HADHB: variants seen among roughly 807,000 people sequenced by gnomAD.
HADHB encodes hydroxyacyl-CoA dehydrogenase trifunctional multienzyme complex subunit beta, also known as trifunctional enzyme subunit beta, mitochondrial.
In HADHB, 50 loss-of-function variants were observed where a neutral mutation model predicts 61.9. The ratio of observed to expected loss-of-function variants is 0.81; its 90% CI spans 0.64 to 1.02. The LOEUF is 1.02. HADHB is among the 50% of genes least tolerant of loss of function. The pLI is 0.00. For synonymous variants in HADHB, 191 were observed against 201.6 expected (o/e 0.95, Z 0.45); for missense variants, 504 against 586.5 (o/e 0.86, Z 1.45).
chr2:26,244,998 G>A lies in HADHB; in HGVS notation c.-9+8G>A. 4.1e-6 allele frequency: 1 copy of A among 246,760 alleles called. No homozygotes were observed. The highest frequency in any genetic ancestry group is 4.8e-5 in the South Asian group (1 of 20,846). 15.3% of individuals were successfully genotyped at this position (246,760 alleles called of 1,614,324 possible). Reference sequence around the variant, plus strand: ...TCGCGGACGTCAGCCAAGGTGAGACGGCGAGCCCTCAGCTCTCCGCCCGGG... The same window carrying A: ...TCGCGGACGTCAGCCAAGGTGAGACAGCGAGCCCTCAGCTCTCCGCCCGGG... On this transcript the variant is annotated splice_region_variant and intron_variant, in intron 1 of 15. Transcript: ENST00000317799.
In HADHB at chr2:26,273,697, A is replaced by G; in HGVS notation, c.301A>G (p.Ile101Val). The change falls in exon 6 of 16, where the codon ATC (isoleucine) becomes GTC (valine). Residue 101 changes from isoleucine (I) to valine (V), a missense_variant. Transcript: ENST00000317799. ...TGTCCCTAAGGAAGTAGTTGATTATATCATCTTTGGTACAGTTATTCAGGA... is the reference window on the plus strand; with the variant it reads ...TGTCCCTAAGGAAGTAGTTGATTATGTCATCTTTGGTACAGTTATTCAGGA... ...TSVPKEVVDY[I>V]IFGTVIQEVK... is the part of the protein sequence containing the mutation. 4 of 1,610,358 alleles carry G rather than the reference A, an allele frequency of 2.5e-6. No homozygotes were observed. The highest frequency in any genetic ancestry group is 3.4e-6 in the Non-Finnish European group (4 of 1,176,678).
Position 26,254,616 on chromosome 2 carries a change from A to G in HADHB, c.109+142A>G, listed in dbSNP as rs1190297983. ...CACATGAACATCTCTGTTGCCTTCA[A>G]ATTAAAAAATTATAGGTCCAATCAA... On this transcript the variant is annotated intron_variant, in intron 3 of 15. Transcript: ENST00000317799. The G allele has an allele frequency of 4.7e-6, 3 of 645,044 alleles. No individual in the cohort carries two copies. The East Asian group carries it at 8.4e-5, about 18-fold the overall frequency. 40.0% of individuals were successfully genotyped at this position (645,044 alleles called of 1,614,324 possible). A position where few individuals can be genotyped will look rare whatever the true frequency, so the allele number is the denominator to read the frequency against.
At chr2:26,263,590 G>C (rs1236883428) in intron 4 of HADHB, 111 bp downstream of exon 4, 1 of 751,288 alleles carries the variant, frequency 1.3e-6, no homozygotes, top group African/African-American at 1.7e-5. Flanking sequence ...ACTAATATTT[G>C]GATAGCAGTC....
chr2:26,271,603 T>C (rs1323110183), intron 5 of HADHB, among the ~76,000 whole-genome samples: 1 of 152,168 alleles, frequency 6.6e-6, no homozygotes, highest in Non-Finnish European at 1.5e-5. Context: ...CCTTAGAGCT[T>C]TGCATTTCTC....
intron 13 of HADHB, among the ~76,000 whole-genome samples, chr2:26,284,512 G>A (rs1017424167): frequency 2.6e-5 from 4 of 151,406 alleles, no homozygotes; most frequent in African/African-American, 9.7e-5. Context: ...GCCCCAGCTG[G>A]AGTGTAGTGG....
At chr2:26,260,847 C>T in intron 3 of HADHB, 1 of 603,936 alleles carries the variant, frequency 1.7e-6, no homozygotes, top group Non-Finnish European at 2.9e-6. Flanking sequence ...TTCATTCTGG[C>T]TGGCTTATTT....
At chr2:26,273,297 T>C (rs1439319012) in intron 5 of HADHB, among the ~76,000 whole-genome samples, 1 of 152,142 alleles carries the variant, frequency 6.6e-6, no homozygotes, top group Non-Finnish European at 1.5e-5. Flanking sequence ...GACTTTGCTT[T>C]ATCTCTTTGA....
intron 15 of HADHB, among the ~76,000 whole-genome samples, chr2:26,285,914 T>A (rs1280241865): frequency 6.6e-6 from 1 of 151,746 alleles, no homozygotes; most frequent in Non-Finnish European, 1.5e-5. Flanking sequence ...ATTTTTGTAT[T>A]TTTAGTAGAG....
rs996040189 is a variant in HADHB, at chr2:26,283,163, C to T, written c.1061+112C>T. The T allele has an allele frequency of 1.6e-5, 13 of 800,158 alleles. No homozygotes were observed. In the African/African-American group the frequency reaches 2.0e-4, roughly 13 times the overall value. 49.6% of individuals were successfully genotyped at this position (800,158 alleles called of 1,614,324 possible). On this transcript the variant is annotated intron_variant, in intron 12 of 15. Transcript: ENST00000317799. ...TGGTTTATTATTTATTTGTTTATTA[C>T]ACTGGTTTGAGAGTATATTAAGCCC...
At chr2:26,278,293 T>C (rs1022422996) in intron 7 of HADHB, among the ~76,000 whole-genome samples, 1 of 152,244 alleles carries the variant, frequency 6.6e-6, no homozygotes, top group African/African-American at 2.4e-5. Flanking sequence ...AAAATCTTTA[T>C]TAAAACTAAA....
intron 4 of HADHB, among the ~76,000 whole-genome samples, chr2:26,265,086 G>C (rs1672022459): frequency 6.6e-6 from 1 of 151,802 alleles, no homozygotes; most frequent in South Asian, 2.1e-4. Flanking sequence ...TCCACTTAAC[G>C]ATGTTTCTAT....
chr2:26,261,219 C>CCCA (rs1671851836), intron 3 of HADHB: 2 of 476,028 alleles, frequency 4.2e-6, no homozygotes, highest in South Asian at 9.0e-5. Flanking sequence ...AATACCCCCC[C>CCCA]CCCATCCAGA....
At chr2:26,272,784 T>C (rs2147819204) in intron 5 of HADHB, among the ~76,000 whole-genome samples, 1 of 152,244 alleles carries the variant, frequency 6.6e-6, no homozygotes, top group South Asian at 2.1e-4. Flanking sequence ...GGGAATGGCA[T>C]TTAGAAACCA....
At chr2:26,271,886 C>G (rs1337929691) in intron 5 of HADHB, among the ~76,000 whole-genome samples, 1 of 152,044 alleles carries the variant, frequency 6.6e-6, no homozygotes, top group African/African-American at 2.4e-5. Flanking sequence ...GGCAATCGAG[C>G]AAGACTTTGT....
At chr2:26,268,893 T>A (rs367618608) in intron 4 of HADHB, among the ~76,000 whole-genome samples, 26 of 152,278 alleles carry the variant, frequency 1.7e-4, no homozygotes, top group African/African-American at 5.8e-4. Flanking sequence ...ACGTCTGTAA[T>A]CCCAGCACTT....
At chr2:26,256,232 T>C (rs1254689125) in intron 3 of HADHB, among the ~76,000 whole-genome samples, 3 of 152,136 alleles carry the variant, frequency 2.0e-5, no homozygotes, top group African/African-American at 7.2e-5. Context: ...GCCAGCTGAT[T>C]TGAGGGAGGA....
chr2:26,281,113 C>G (rs1310192244), intron 10 of HADHB, among the ~76,000 whole-genome samples: 1 of 151,644 alleles, frequency 6.6e-6, no homozygotes, highest in African/African-American at 2.4e-5. Flanking sequence ...ACAAATCTAC[C>G]ACTGTTTGTT....
intron 6 of HADHB, 51 bp downstream of exon 6, chr2:26,273,801 T>A (rs1177867393): frequency 1.1e-6 from 1 of 914,346 alleles, no homozygotes; most frequent in East Asian, 2.4e-5. Context: ...AGAATCACTT[T>A]GAATTTCAAT....
At chr2:26,268,535 C>T (rs983318755) in intron 4 of HADHB, among the ~76,000 whole-genome samples, 1 of 152,168 alleles carries the variant, frequency 6.6e-6, no homozygotes, top group Non-Finnish European at 1.5e-5. Context: ...TCATGTGCCC[C>T]CTGATACGAA....
Sources: allele counts gnomAD v4.1 joint callset (sites outside exome capture counted in the v4.1 genomes callset), GRCh38; gene constraint gnomAD v4.1.1; transcripts MANE v1.5; gene names NCBI Gene and HGNC (gene_info 2026-07-23, HGNC 2026-07-21).